The following KDM3B variants were observed in gnomAD, a reference collection of about 807,000 sequenced individuals.
The protein encoded by KDM3B is lysine demethylase 3B.
KDM3B carries 10 observed loss-of-function variants against 170.0 expected under a neutral mutation model. That is an observed-to-expected ratio of 0.06 (90% CI 0.04 to 0.10). The LOEUF (loss-of-function observed/expected upper bound fraction) is 0.10. KDM3B is among the 10% of genes least tolerant of loss of function. KDM3B has a pLI of 1.00. For synonymous variants in KDM3B, 831 were observed against 834.8 expected, an observed-to-expected ratio of 1.00 and a Z score of 0.08; for missense variants, 1,394 against 2,195.2, an observed-to-expected ratio of 0.64 and a Z score of 7.29.
chr5:138,362,356 A>G (rs961926224), intron 1 of KDM3B, among the ~76,000 whole-genome samples: 6 of 151,826 alleles, frequency 4.0e-5, no homozygotes, highest in African/African-American at 1.5e-4. Flanking sequence ...CTTATGAACC[A>G]GGGAAGATTA....
chr5:138,415,645 C>A (rs1164148332), intron 12 of KDM3B, among the ~76,000 whole-genome samples: 1 of 151,058 alleles, frequency 6.6e-6, no homozygotes, highest in Non-Finnish European at 1.5e-5. Context: ...AGACGGAGTC[C>A]CAATATGTTG....
At position 138,381,557 on chromosome 5, in the gene KDM3B, G is replaced by A; in HGVS notation, c.747G>A (p.Val249=). ...IKSVDPRLIH[V]MLMDNSAPQS... is the part of the protein sequence containing the mutation. ...CGGTAGATCCCAGACTAATCCATGT[G>A]ATGCTGATGGATAATTCAGCGCCTC... Residue 249 remains valine (V), a synonymous_variant, in exon 6 of 24, where the codon GTG becomes GTA. Coordinates refer to ENST00000314358, the MANE Select transcript of KDM3B (RefSeq NM_016604.4). The A allele has an allele frequency of 6.2e-7, 1 of 1,605,816 alleles. No individual in the cohort carries two copies. Among genetic ancestry groups the A allele is most frequent in the Non-Finnish European group, 8.5e-7 (1 of 1,172,268 alleles).
Position 138,386,243 on chromosome 5 carries a change from G to A in KDM3B, c.1002G>A (p.Gly334=). The A allele has an allele frequency of 6.2e-7, 1 of 1,614,194 alleles. No homozygotes were observed. The highest frequency in any genetic ancestry group is 8.5e-7 in the Non-Finnish European group (1 of 1,180,038). Residue 334 remains glycine (G), a synonymous_variant, in exon 7 of 24, where the codon GGG becomes GGA. Transcript: ENST00000314358. ...WKGGNASGEP[G]LDQRAKQPPS... is the part of the protein sequence containing the mutation. ...GAGGGAATGCCAGTGGAGAGCCAGG[G>A]CTGGATCAGAGAGCCAAGCAGCCAC...
chr5:138,423,986 T>C, intron 15 of KDM3B, 89 bp from the exon 16 acceptor site: 1 of 1,339,558 alleles, frequency 7.5e-7, no homozygotes, highest in South Asian at 1.7e-5. Flanking sequence ...AGGTCAGAAC[T>C]CCTTGTGAAT....
chr5:138,410,132 A>G (rs901804659), intron 11 of KDM3B, among the ~76,000 whole-genome samples: 2 of 152,126 alleles, frequency 1.3e-5, no homozygotes, highest in African/African-American at 4.8e-5. Flanking sequence ...AGGGTTGAAT[A>G]CTAAGACGTC....
At chr5:138,383,423 G>A (rs923642608) in intron 6 of KDM3B, among the ~76,000 whole-genome samples, 5 of 145,184 alleles carry the variant, frequency 3.4e-5, no homozygotes, top group African/African-American at 5.2e-5. Flanking sequence ...AGGCGCGAAC[G>A]AACCACCACG....
At chr5:138,430,201 G>C (rs749915281) in intron 21 of KDM3B, 48 bp from the exon 22 acceptor site, 2 of 1,597,036 alleles carry the variant, frequency 1.3e-6, no homozygotes, top group South Asian at 2.2e-5. Flanking sequence ...GATTTATGCT[G>C]TTAATGATTT....
chr5:138,375,559 T>C (rs1474901141), intron 3 of KDM3B, among the ~76,000 whole-genome samples: 1 of 151,554 alleles, frequency 6.6e-6, no homozygotes, highest in African/African-American at 2.4e-5. Flanking sequence ...TTTGTATTTT[T>C]GGTAGAGATG....
At chr5:138,425,344 C>G (rs1383350970) in intron 16 of KDM3B, 67 bp from the exon 17 acceptor site, 1 of 1,484,764 alleles carries the variant, frequency 6.7e-7, no homozygotes, top group East Asian at 2.3e-5. Context: ...CCCTCCTATT[C>G]TGTCTCAGCC....
chr5:138,411,941 C>T (rs1276131228), intron 11 of KDM3B, among the ~76,000 whole-genome samples: 7 of 149,146 alleles, frequency 4.7e-5, no homozygotes, highest in African/African-American at 1.5e-4. Context: ...AACTCCTGAT[C>T]TCAGGTGACC....
intron 1 of KDM3B, 62 bp downstream of exon 1, chr5:138,353,049 C>T: frequency 1.2e-5 from 4 of 337,544 alleles, no homozygotes; most frequent in Non-Finnish European, 1.2e-5. Context: ...GCGGCCTCCC[C>T]GGGGGCCTTT....
intron 13 of KDM3B, among the ~76,000 whole-genome samples, chr5:138,418,143 GATCT>G (rs1763157373): frequency 2.3e-5 from 3 of 131,056 alleles, no homozygotes; most frequent in Non-Finnish European, 4.7e-5. Flanking sequence ...GCAGTGGCAT[GATCT>G]CGGCTCACTG....
At chr5:138,353,048 C>T in intron 1 of KDM3B, 61 bp downstream of exon 1, 1 of 1,157,084 alleles carries the variant, frequency 8.6e-7, no homozygotes, top group South Asian at 4.3e-5. Flanking sequence ...GGCGGCCTCC[C>T]CGGGGGCCTT....
chr5:138,431,572 TC>T lies in KDM3B; in HGVS notation c.5205+16del. 6.3e-7 allele frequency: 1 copy of T among 1,596,734 alleles called. No homozygotes were observed. The highest frequency in any genetic ancestry group is 8.5e-7 in the Non-Finnish European group (1 of 1,173,300). On this transcript the variant is annotated intron_variant, in intron 23 of 23. Coordinates refer to ENST00000314358, the MANE Select transcript of KDM3B (RefSeq NM_016604.4). ...GGATAAACTGCAGGTAAATAACTCCTCCCTCTACCCCACTCTGTCTTCTCAT... is the reference window on the plus strand; with the variant it reads ...GGATAAACTGCAGGTAAATAACTCCTCCTCTACCCCACTCTGTCTTCTCAT...
rs199770910 is a variant in KDM3B at position 138,386,612 on chromosome 5, C to T, written c.1371C>T (p.Ala457=). The T allele has an allele frequency of 2.6e-5, 42 of 1,610,584 alleles. No homozygotes were observed. In the East Asian group the frequency reaches 8.7e-4, roughly 33 times the overall value. The change falls in exon 7 of 24, where the codon GCC becomes GCT. Residue 457 remains alanine (A), a synonymous_variant. Coordinates refer to ENST00000314358, the MANE Select transcript of KDM3B (RefSeq NM_016604.4). ...PEKQKGSRSQ[A]SGENSRNSIL... is the part of the protein sequence containing the mutation. ...AACAGAAAGGCAGCCGGTCGCAGGC[C>T]TCGGGAGAGGTGAGTTACTTCAGGG...
At chr5:138,405,661 TA>T (rs1405432194) in intron 11 of KDM3B, among the ~76,000 whole-genome samples, 1 of 152,204 alleles carries the variant, frequency 6.6e-6, no homozygotes, top group Admixed American at 6.5e-5. Context: ...TTACACAAAG[TA>T]ATGAAGAACA....
chr5:138,434,149 A>G (rs1223078759), intron 23 of KDM3B, among the ~76,000 whole-genome samples: 1 of 152,168 alleles, frequency 6.6e-6, no homozygotes, highest in Non-Finnish European at 1.5e-5. Flanking sequence ...CCAGCCACTC[A>G]GGAGGCTGAG....
intron 10 of KDM3B, 62 bp downstream of exon 10, chr5:138,398,454 C>G: frequency 6.9e-7 from 1 of 1,450,962 alleles, no homozygotes; most frequent in African/African-American, 1.4e-5. Flanking sequence ...TTTTCTTTCA[C>G]TTAACGGGAA....
intron 23 of KDM3B, among the ~76,000 whole-genome samples, chr5:138,433,597 C>G (rs540898715): frequency 1.3e-5 from 2 of 151,746 alleles, no homozygotes; most frequent in South Asian, 4.2e-4. Context: ...TTGGTAGAGA[C>G]GTGGTTTCAC....
Sources: allele counts gnomAD v4.1 joint callset (sites outside exome capture counted in the v4.1 genomes callset), GRCh38; gene constraint gnomAD v4.1.1; transcripts MANE v1.5; gene names NCBI Gene and HGNC (gene_info 2026-07-23, HGNC 2026-07-21).